The following NME9 variants were observed in gnomAD, a reference collection of about 807,000 sequenced individuals.
NME9 encodes thioredoxin domain-containing protein 6.
A neutral mutation model predicts 44.4 loss-of-function variants in NME9; 48 were observed. That is an observed-to-expected ratio of 1.08 (90% CI 0.86 to 1.37). The LOEUF (loss-of-function observed/expected upper bound fraction) is 1.37, where lower values mean the gene tolerates loss of function less well. Among genes scored for constraint, NME9 ranks in the 40% most tolerant of loss-of-function variants. The pLI is 0.00. For missense variants in NME9, 325 were observed against 405.2 expected (o/e 0.80, Z 1.70); for synonymous variants, 139 against 147.1 (o/e 0.94, Z 0.40).
intron 6 of NME9, among the ~76,000 whole-genome samples, chr3:138,313,451 A>G (rs896916368): frequency 6.6e-6 from 1 of 152,134 alleles, no homozygotes; most frequent in Admixed American, 6.5e-5. Context: ...GAGAAAGGGG[A>G]ATGTTCATAT....
At chr3:138,273,063 A>T in intron 8 of NME9, 1 of 1,613,600 alleles carries the variant, frequency 6.2e-7, no homozygotes, top group African/African-American at 1.3e-5. Context: ...TTCAGATTTG[A>T]ATGTGCTGAT....
intron 8 of NME9, chr3:138,290,507 C>T: frequency 3.4e-6 from 5 of 1,454,626 alleles, no homozygotes; most frequent in Non-Finnish European, 4.7e-6. Flanking sequence ...GAGCATTTGC[C>T]TGGGTCATGT....
downstream of NME9, among the ~76,000 whole-genome samples, chr3:138,299,413 G>A (rs1048238952): frequency 6.6e-5 from 10 of 152,088 alleles, no homozygotes; most frequent in Non-Finnish European, 1.0e-4. Flanking sequence ...CCCAGGAGCC[G>A]AGGGATCTTA....
At chr3:138,321,005 G>A (rs76319842) in intron 2 of NME9, among the ~76,000 whole-genome samples, 18,353 of 152,154 alleles carry the variant, frequency 0.12, 3,651 homozygotes, top group African/African-American at 0.42. Flanking sequence ...ACCTATCTGT[G>A]GTGTCCTGTT....
chr3:138,265,187 C>T (rs1048177953), intron 8 of NME9, among the ~76,000 whole-genome samples: 5 of 152,116 alleles, frequency 3.3e-5, no homozygotes, highest in Non-Finnish European at 7.4e-5. Flanking sequence ...TATGAGCCAC[C>T]ATGCCTGACC....
chr3:138,324,782 T>G, intron 2 of NME9, 91 bp downstream of exon 2: 1 of 948,452 alleles, frequency 1.1e-6, no homozygotes, highest in Middle Eastern at 2.2e-4. Context: ...AGGAAAGTGG[T>G]GTTCATTGCA....
rs773169624 is a variant in NME9 at position 138,315,579 on chromosome 3, T to C, written c.332A>G (p.Asp111Gly). 1 of 1,536,640 alleles carries C rather than the reference T, an allele frequency of 6.5e-7. No individual in the cohort carries two copies. The highest frequency in any genetic ancestry group is 1.2e-5 in the South Asian group (1 of 84,060). ...NAPLLQKTILDQLEAEKKVLA... is the reference protein window; with the variant it reads ...NAPLLQKTILGQLEAEKKVLA... ...CACTTTCTTTTCGGCCTCCAGCTGG[T>C]CTAGGATGGTTTTCTGCAGCAGTGG... Residue 111 changes from aspartate (D) to glycine (G), a missense_variant, in exon 5 of 11, where the codon GAC becomes GGC. Physicochemically the swap from Asp to Gly is moderately conservative, Grantham distance 94. Coordinates refer to ENST00000333911, the MANE Select transcript of NME9 (RefSeq NM_001349018.2).
At chr3:138,280,277 A>G (rs1020305861) in intron 8 of NME9, among the ~76,000 whole-genome samples, 2 of 138,106 alleles carry the variant, frequency 1.4e-5, no homozygotes, top group African/African-American at 5.1e-5. Flanking sequence ...ATTGCCAAAG[A>G]ATCAGTTTTT....
At chr3:138,280,430 G>A (rs1463109024) in intron 8 of NME9, among the ~76,000 whole-genome samples, 1 of 150,986 alleles carries the variant, frequency 6.6e-6, no homozygotes, top group Non-Finnish European at 1.5e-5. Context: ...CTATTCTCGT[G>A]CCTCAGCCTC....
At chr3:138,267,315 T>G (rs2048368768) in intron 8 of NME9, 1 of 899,776 alleles carries the variant, frequency 1.1e-6, no homozygotes, top group Non-Finnish European at 1.6e-6. Flanking sequence ...TTATAGTAGT[T>G]GACATTGAAA....
Position 138,290,432 on chromosome 3 carries a change from G to A in NME9, c.745+13075C>T, listed in dbSNP as rs1156352089. ...ATTGGGAGAGGGTAGAGGACAAGGGGTACAGGAGGAGTAGGGAGTGAAGGA... is the reference window on the plus strand; with the variant it reads ...ATTGGGAGAGGGTAGAGGACAAGGGATACAGGAGGAGTAGGGAGTGAAGGA... On this transcript the variant is annotated intron_variant, in intron 8 of 8. Transcript: ENST00000317876. The A allele has an allele frequency of 6.7e-6, 5 of 746,820 alleles. No individual in the cohort carries two copies. The South Asian group carries it at 8.7e-5, about 13-fold the overall frequency. 46.3% of individuals were successfully genotyped at this position (746,820 alleles called of 1,614,324 possible).
chr3:138,268,549 T>C (rs957184118), intron 8 of NME9, among the ~76,000 whole-genome samples: 4 of 152,162 alleles, frequency 2.6e-5, no homozygotes, highest in African/African-American at 7.2e-5. Flanking sequence ...GGATCACTAA[T>C]ACGATTTTTT....
At chr3:138,272,035 A>G (rs778634994) in intron 8 of NME9, among the ~76,000 whole-genome samples, 15 of 152,162 alleles carry the variant, frequency 9.9e-5, no homozygotes, top group Non-Finnish European at 1.9e-4. Flanking sequence ...TGTTTTCTTC[A>G]GACATGTATA....
At chr3:138,305,075 C>T in intron 8 of NME9, 48 bp from the exon 9 acceptor site, 1 of 1,569,302 alleles carries the variant, frequency 6.4e-7, no homozygotes, top group Non-Finnish European at 8.7e-7. Flanking sequence ...GCTGCTAGGG[C>T]CTGCAGAGGA....
rs545047250 is a variant in NME9, at chr3:138,317,157, G to A, written c.267+991C>T. On this transcript the variant is annotated intron_variant, in intron 4 of 10. Coordinates refer to ENST00000333911, the MANE Select transcript of NME9 (RefSeq NM_001349018.2). ...TGAGCTCTGATGTCAAGTGTGTCTG[G>A]GGCATGCTCATCTCTGAGCTCCTTC... 3.3e-5 allele frequency among the ~76,000 whole-genome samples: 5 copies of A among 152,264 alleles called. No homozygotes were observed. The South Asian group carries it at 8.3e-4, about 25-fold the overall frequency.
At position 138,264,419 on chromosome 3, in the gene NME9, T is replaced by C. The variant is rs920179846; in HGVS notation, c.746-1833A>G. 4.6e-3 allele frequency among the ~76,000 whole-genome samples: 621 copies of C among 135,736 alleles called. 3 individuals are homozygous for C. Among genetic ancestry groups the C allele is most frequent in the Non-Finnish European group, 7.5e-3 (475 of 63,262 alleles). The allele number at this position is 135,736 out of a possible 152,430, so 89.0% of individuals were successfully genotyped here. ...ACAGGCCTGATTTTCTTTCTTTTTT[T>C]TTTTTTTTTTTTTTTTTTGAGATGT... On this transcript the variant is annotated intron_variant, in intron 8 of 8. Coordinates refer to the NME9 transcript ENST00000317876.
intron 1 of NME9, among the ~76,000 whole-genome samples, chr3:138,328,422 AG>A (rs1436269951): frequency 1.4e-5 from 2 of 146,426 alleles, no homozygotes; most frequent in Admixed American, 1.5e-4. Flanking sequence ...TTAAACCACT[AG>A]GCTTTTGAAA....
chr3:138,327,459 T>A (rs998314119), intron 1 of NME9, among the ~76,000 whole-genome samples: 1 of 152,044 alleles, frequency 6.6e-6, no homozygotes. Context: ...CTCTGGGCAG[T>A]TGAAGAATCT....
At chr3:138,313,875 TAG>T (rs1560113144) in intron 6 of NME9, among the ~76,000 whole-genome samples, 2 of 152,026 alleles carry the variant, frequency 1.3e-5, no homozygotes, top group South Asian at 4.2e-4. Context: ...CTCATGAAGA[TAG>T]AGAGTAGATT....
Sources: gnomAD v4.1 joint callset for allele counts (sites outside exome capture counted in the v4.1 genomes callset) on GRCh38, gnomAD v4.1.1 for gene constraint, MANE v1.5 for transcripts, NCBI Gene and HGNC (gene_info 2026-07-23, HGNC 2026-07-21) for gene names.